Variants in CLN6 observed in about 807,000 individuals in gnomAD.
CLN6 encodes ceroid-lipofuscinosis neuronal protein 6.
Under a neutral mutation model 33.3 loss-of-function variants are expected in CLN6, and 22 were observed. The ratio of observed to expected loss-of-function variants is 0.66; its 90% CI spans 0.47 to 0.94. The LOEUF (loss-of-function observed/expected upper bound fraction) is 0.94. Among genes scored for constraint, CLN6 ranks in the 40% least tolerant of loss-of-function variants. CLN6 has a pLI of 0.00. For synonymous variants in CLN6, 201 were observed against 174.6 expected (o/e 1.15, Z -1.19); for missense variants, 387 against 417.1 (o/e 0.93, Z 0.63).
At position 68,246,027 on chromosome 15, in the gene CLN6, A is replaced by G. The variant is rs1046536739; in HGVS notation, c.179+10663T>C. ...TTAGCAAGAGGATATAACAATTATAAGTATCTATGCACTCAACACTGGAGC... is the reference window on the plus strand; with the variant it reads ...TTAGCAAGAGGATATAACAATTATAGGTATCTATGCACTCAACACTGGAGC... On this transcript the variant is annotated intron_variant, in intron 1 of 6. Transcript: ENST00000538696. This position sits in a 1 kb window ranked among gnomAD's most constrained non-coding sequence, Gnocchi z 4.5. Among the ~76,000 whole-genome samples the G allele has an allele frequency of 6.6e-6, 1 of 152,178 alleles. No individual in the cohort carries two copies. The highest frequency in any genetic ancestry group is 1.5e-5 in the Non-Finnish European group (1 of 68,042).
In CLN6 at chr15:68,210,765, G is replaced by T. The variant is rs550291413; in HGVS notation, c.542+498C>A. 1.3e-5 allele frequency among the ~76,000 whole-genome samples: 2 copies of T among 152,274 alleles called. No homozygotes were observed. The highest frequency in any genetic ancestry group is 2.9e-5 in the Non-Finnish European group (2 of 68,004). Reference sequence around the variant, plus strand: ...GCCCCTCTGGGAGTTCTGAAGAGGGGGGAGCGCAAACAGCACGCCCCTCCC... The same window carrying T: ...GCCCCTCTGGGAGTTCTGAAGAGGGTGGAGCGCAAACAGCACGCCCCTCCC... On this transcript the variant is annotated intron_variant, in intron 5 of 6. Transcript: ENST00000249806. This position sits in a 1 kb window ranked among gnomAD's most constrained non-coding sequence, Gnocchi z 5.6.
Position 68,211,208 on chromosome 15 carries a change from C to T in CLN6, c.542+55G>A. The stretch of plus-strand genomic sequence containing the variant: ...GCTCAGTGTGTCCCTGAGCCAGTGA[C>T]AGGGCTAGCCGGTAGTTGGGGCCCC... On this transcript the variant is annotated intron_variant, in intron 5 of 6. Coordinates refer to ENST00000249806, the MANE Select transcript of CLN6 (RefSeq NM_017882.3). This position sits in a 1 kb window ranked among gnomAD's most constrained non-coding sequence, Gnocchi z 5.9. 1 of 1,488,010 alleles carries T rather than the reference C, an allele frequency of 6.7e-7. No individual in the cohort carries two copies. Among genetic ancestry groups the T allele is most frequent in the African/African-American group, 1.4e-5 (1 of 72,470 alleles). The allele number at this position is 1,488,010 out of a possible 1,614,324, so 92.2% of individuals were successfully genotyped here.
Position 68,246,828 on chromosome 15 carries a change from G to T in CLN6, c.179+9862C>A, listed in dbSNP as rs1333103890. Among the ~76,000 whole-genome samples the T allele has an allele frequency of 2.0e-5, 3 of 152,022 alleles. No individual in the cohort carries two copies. Among genetic ancestry groups the T allele is most frequent in the Non-Finnish European group, 2.9e-5 (2 of 68,022 alleles). On this transcript the variant is annotated intron_variant, in intron 1 of 6. Transcript: ENST00000538696. The surrounding 1 kb of genome is among the most constrained non-coding windows in gnomAD (Gnocchi z 4.5). ...ACAAAATTAACAGACCATTAACTAG[G>T]CTAAGATAAAAGGAGAGAAGTCCCA... is the stretch of plus-strand genomic sequence containing the variant.
Position 68,208,350 on chromosome 15 carries a change from C to A in CLN6, c.726G>T (p.Leu242=). 6.2e-7 allele frequency: 1 copy of A among 1,613,956 alleles called. No individual in the cohort carries two copies. Among genetic ancestry groups the A allele is most frequent in the Non-Finnish European group, 8.5e-7 (1 of 1,180,042 alleles). The change falls in exon 7 of 7, where the codon CTG becomes CTT. Residue 242 remains leucine (L), a synonymous_variant. Coordinates refer to ENST00000249806, the MANE Select transcript of CLN6 (RefSeq NM_017882.3). This position sits in a 1 kb window ranked among gnomAD's most constrained non-coding sequence, Gnocchi z 5.8. The part of the protein sequence containing the change: ...ILFIFTFFAM[L]ALVLHQKRKR... ...TGCGCTTCTGGTGCAGGACGAGGGCCAGCATGGCGAAGAAGGTGAAGATGA... is the reference window on the plus strand; with the variant it reads ...TGCGCTTCTGGTGCAGGACGAGGGCAAGCATGGCGAAGAAGGTGAAGATGA...
intron 1 of CLN6, among the ~76,000 whole-genome samples, chr15:68,235,985 C>T (rs1892217020): frequency 6.6e-6 from 1 of 152,072 alleles, no homozygotes; most frequent in African/African-American, 2.4e-5. Context: ...ATTTAGAGCC[C>T]TAAGCTTTTT....
At chr15:68,237,362 C>T (rs769766005) in intron 1 of CLN6, among the ~76,000 whole-genome samples, 19 of 152,008 alleles carry the variant, frequency 1.2e-4, no homozygotes, top group Admixed American at 3.3e-4. Flanking sequence ...TGGCATGCTC[C>T]GGTAGTTCCA....
rs947344710 is a variant in CLN6 at position 68,211,640 on chromosome 15, A to G, written c.486+35T>C. ...GCCTCCCAGGACAGACTGTGCTCCT[A>G]GGGCTTACAGGCAGGGAGCAGGAGG... On this transcript the variant is annotated intron_variant, in intron 4 of 6. Coordinates refer to ENST00000249806, the MANE Select transcript of CLN6 (RefSeq NM_017882.3). This position sits in a 1 kb window ranked among gnomAD's most constrained non-coding sequence, Gnocchi z 5.9. The G allele has an allele frequency of 5.0e-6, 8 of 1,611,552 alleles. No individual in the cohort carries two copies. The highest frequency in any genetic ancestry group is 5.9e-6 in the Non-Finnish European group (7 of 1,179,962).
At chr15:68,251,316 TA>T (rs1892375903) in intron 1 of CLN6, among the ~76,000 whole-genome samples, 2 of 152,158 alleles carry the variant, frequency 1.3e-5, no homozygotes, top group African/African-American at 2.4e-5. Flanking sequence ...AGGTTATTTT[TA>T]AAAAGCCTAT....
rs1215617223 is a variant in CLN6 at position 68,208,502 on chromosome 15, A to G, written c.666-92T>C. ...GTGTGCGAGAGCCAGGCTGCCCTCC[A>G]GGCAGGCAGAAGAGTCCTCTGGTGC... On this transcript the variant is annotated intron_variant, in intron 6 of 6. Transcript: ENST00000249806. This position sits in a 1 kb window ranked among gnomAD's most constrained non-coding sequence, Gnocchi z 5.8. 47 of 1,453,798 alleles carry G rather than the reference A, an allele frequency of 3.2e-5. No homozygotes were observed. The highest frequency in any genetic ancestry group is 4.1e-5 in the Non-Finnish European group (43 of 1,052,952). The allele number at this position is 1,453,798 out of a possible 1,614,324, so 90.1% of individuals were successfully genotyped here.
At chr15:68,249,047 C>A (rs1413396873) in intron 1 of CLN6, among the ~76,000 whole-genome samples, 2 of 152,196 alleles carry the variant, frequency 1.3e-5, no homozygotes, top group Non-Finnish European at 2.9e-5. Flanking sequence ...TAAAAACATA[C>A]AAATGGCTGA....
chr15:68,222,218 G>T lies in CLN6; in HGVS notation c.84-3568C>A, dbSNP rs111347539. On this transcript the variant is annotated intron_variant, in intron 1 of 6. Transcript: ENST00000249806. ...AGGAGCACCTCTGCCCAGCCGCCCC[G>T]TCTGGGAGGTTAGGAGCCCTTCTGC... 3.0e-4 allele frequency among the ~76,000 whole-genome samples: 42 copies of T among 137,820 alleles called. 1 individual carries two copies. Among genetic ancestry groups the T allele is most frequent in the Non-Finnish European group, 5.0e-4 (32 of 64,176 alleles). 90.4% of individuals were successfully genotyped at this position (137,820 alleles called of 152,430 possible).
chr15:68,237,318 A>C (rs79399810), intron 1 of CLN6, among the ~76,000 whole-genome samples: 1 of 125,822 alleles, frequency 7.9e-6, no homozygotes, highest in Non-Finnish European at 1.6e-5. Context: ...CTATCTCTAC[A>C]AAAAAAAAAA....
chr15:68,245,622 G>A (rs534670744), intron 1 of CLN6, among the ~76,000 whole-genome samples: 2 of 152,150 alleles, frequency 1.3e-5, no homozygotes, highest in East Asian at 3.9e-4. Flanking sequence ...CAAAATGGCA[G>A]TAGTAAGTCC....
intron 3 of CLN6, chr15:68,213,552 A>AT (rs994680615): frequency 1.3e-5 from 2 of 148,826 alleles, no homozygotes; most frequent in African/African-American, 5.0e-5. Context: ...AATTTTTTCT[A>AT]TTTTTAATGG....
intron 1 of CLN6, among the ~76,000 whole-genome samples, chr15:68,235,587 A>AATATAT (rs59823320): frequency 2.4e-4 from 23 of 95,066 alleles, no homozygotes; most frequent in African/African-American, 1.1e-3. Flanking sequence ...AATAAAAATA[A>AATATAT]ATATATATAT....
rs1431897640 is a variant in CLN6, at chr15:68,220,997, ATT to A, written c.84-2349_84-2348del. 2.0e-4 allele frequency among the ~76,000 whole-genome samples: 14 copies of A among 71,626 alleles called. No homozygotes were observed. The East Asian group carries it at 3.1e-3, about 16-fold the overall frequency. The allele number at this position is 71,626 out of a possible 152,430, so 47.0% of individuals were successfully genotyped here. On this transcript the variant is annotated intron_variant, in intron 1 of 6. Transcript: ENST00000249806. This position sits in a 1 kb window ranked among gnomAD's most constrained non-coding sequence, Gnocchi z 4.2. ...CATGCCACTATGCCCAGCTAATTTT[ATT>A]TTATTATTATTATTATTATTATTAT...
intron 1 of CLN6, 93 bp from the exon 2 acceptor site, chr15:68,218,743 G>A (rs1447590227): frequency 1.2e-6 from 1 of 855,266 alleles, no homozygotes; most frequent in Non-Finnish European, 2.0e-6. Context: ...CTGGGGACTT[G>A]AGGACAGGAG....
chr15:68,244,657 C>A (rs897697576), intron 1 of CLN6, among the ~76,000 whole-genome samples: 7 of 151,908 alleles, frequency 4.6e-5, no homozygotes, highest in Non-Finnish European at 8.8e-5. Flanking sequence ...AAAGACAACC[C>A]CAGAATACTC....
upstream of CLN6, among the ~76,000 whole-genome samples, chr15:68,229,911 G>T (rs1011568806): frequency 6.6e-5 from 10 of 152,180 alleles, no homozygotes; most frequent in African/African-American, 2.4e-4. Flanking sequence ...GCTGGGATGT[G>T]TTAGGGTCCC....
Sources: gnomAD v4.1 joint callset for allele counts (sites outside exome capture counted in the v4.1 genomes callset) on GRCh38, gnomAD v4.1.1 for gene constraint, Gnocchi (gnomAD v3.1) non-coding constraint, MANE v1.5 for transcripts, NCBI Gene and HGNC (gene_info 2026-07-23, HGNC 2026-07-21) for gene names.